The following CDH13 variants were observed in gnomAD, a reference collection of about 807,000 sequenced individuals.
The protein encoded by CDH13 is cadherin 13.
A neutral mutation model predicts 63.8 loss-of-function variants in CDH13; 24 were observed. The ratio of observed to expected loss-of-function variants is 0.38; its 90% CI spans 0.27 to 0.53. The LOEUF (loss-of-function observed/expected upper bound fraction) is 0.53, where lower values mean the gene tolerates loss of function less well. Among genes scored for constraint, CDH13 ranks in the 20% least tolerant of loss-of-function variants. The probability of loss-of-function intolerance (pLI) is 0.85; values close to 1 mark genes in which losing one functional copy is unlikely to be tolerated. For synonymous variants in CDH13, 503 were observed against 355.3 expected, an observed-to-expected ratio of 1.42 and a Z score of -4.67; for missense variants, 1,049 against 903.1, an observed-to-expected ratio of 1.16 and a Z score of -2.07.
At chr16:83,014,474 C>CTG (rs1378359435) in intron 2 of CDH13, among the ~76,000 whole-genome samples, 2 of 151,480 alleles carry the variant, frequency 1.3e-5, no homozygotes, top group Non-Finnish European at 2.9e-5. Flanking sequence ...TGGCTTATGC[C>CTG]TGTAATCTCA....
At chr16:82,858,641 C>T in intron 2 of CDH13, 168 bp downstream of exon 2, 1 of 669,588 alleles carries the variant, frequency 1.5e-6, no homozygotes, top group Admixed American at 2.1e-5. Flanking sequence ...AGGGCCTGGC[C>T]AACTTAGAGG....
intron 5 of CDH13, among the ~76,000 whole-genome samples, chr16:83,304,154 A>G (rs1373977214): frequency 1.3e-5 from 2 of 152,204 alleles, no homozygotes; most frequent in African/African-American, 2.4e-5. Context: ...CTGGAGAGGT[A>G]GGTGAGGGCT....
At chr16:83,132,825 C>A (rs554185738) in intron 4 of CDH13, among the ~76,000 whole-genome samples, 1 of 152,228 alleles carries the variant, frequency 6.6e-6, no homozygotes, top group African/African-American at 2.4e-5. Context: ...ATCTAAGATG[C>A]CTAAAGGCTC....
intron 2 of CDH13, among the ~76,000 whole-genome samples, chr16:82,939,175 G>C (rs2151306137): frequency 6.6e-6 from 1 of 152,308 alleles, no homozygotes; most frequent in East Asian, 1.9e-4. Flanking sequence ...TGCAATCCCA[G>C]ACATTTCAGA....
rs561789392 is a variant in CDH13, at chr16:83,504,431, A to C, written c.960+17776A>C. On this transcript the variant is annotated intron_variant, in intron 7 of 13. Coordinates refer to ENST00000567109, the MANE Select transcript of CDH13 (RefSeq NM_001257.5). Reference sequence around the variant, plus strand: ...CCTATGAAAGAGAGCACAAAGGGTTAATGCCACCAGAAGACACTCAGCCTG... The same window carrying C: ...CCTATGAAAGAGAGCACAAAGGGTTCATGCCACCAGAAGACACTCAGCCTG... Among the ~76,000 whole-genome samples, 6 of 152,346 alleles carry C rather than the reference A, an allele frequency of 3.9e-5. No individual in the cohort carries two copies. The South Asian group carries it at 1.2e-3, about 32-fold the overall frequency.
rs138939290 is a variant in CDH13 at position 82,964,033 on chromosome 16, C to T, written c.158-67977C>T. On this transcript the variant is annotated intron_variant, in intron 2 of 13. Coordinates refer to ENST00000567109, the MANE Select transcript of CDH13 (RefSeq NM_001257.5). The stretch of plus-strand genomic sequence containing the variant: ...GGAGCTGCGGGCTTTTGAGACCTCC[C>T]GAGTCGCTTTGTGTGCACAATGCCG... 3.3e-3 allele frequency among the ~76,000 whole-genome samples: 500 copies of T among 152,242 alleles called. 3 individuals carry two copies. The highest frequency in any genetic ancestry group is 0.031 in the Middle Eastern group (9 of 294).
intron 1 of CDH13, among the ~76,000 whole-genome samples, chr16:82,663,929 C>G (rs1022060565): frequency 3.3e-5 from 5 of 152,220 alleles, no homozygotes; most frequent in African/African-American, 1.2e-4. Flanking sequence ...ATGGCGCATT[C>G]TGCAGCATGA....
At chr16:83,458,873 C>A (rs552093315) in intron 6 of CDH13, among the ~76,000 whole-genome samples, 2 of 152,190 alleles carry the variant, frequency 1.3e-5, no homozygotes, top group African/African-American at 4.8e-5. Flanking sequence ...TGCAGCATTG[C>A]AGCAATGAGA....
At chr16:83,134,841 C>T (rs2036213176) in intron 4 of CDH13, among the ~76,000 whole-genome samples, 1 of 152,136 alleles carries the variant, frequency 6.6e-6, no homozygotes, top group Non-Finnish European at 1.5e-5. Flanking sequence ...ATATGCAAAA[C>T]TTCCCTCCAT....
chr16:83,248,870 A>T (rs368995009), intron 5 of CDH13, among the ~76,000 whole-genome samples: 1 of 152,188 alleles, frequency 6.6e-6, no homozygotes, highest in Non-Finnish European at 1.5e-5. Context: ...CACTTGAATC[A>T]TCCTCAAATG....
At position 83,189,864 on chromosome 16, in the gene CDH13, G is replaced by A. The variant is rs1408091604; in HGVS notation, c.484-27481G>A. Among the ~76,000 whole-genome samples, 12 of 152,134 alleles carry A rather than the reference G, an allele frequency of 7.9e-5. 1 individual carries two copies. The highest frequency in any genetic ancestry group is 3.3e-4 in the Admixed American group (5 of 15,278). ...TGGGAGGTAATTGAATCATGGGGGC[G>A]GCTTTTCTCATACTGTTCTCATGAT... On this transcript the variant is annotated intron_variant, in intron 4 of 13. Coordinates refer to ENST00000567109, the MANE Select transcript of CDH13 (RefSeq NM_001257.5).
chr16:83,448,143 G>A (rs1017068043), intron 6 of CDH13, among the ~76,000 whole-genome samples: 32 of 152,146 alleles, frequency 2.1e-4, no homozygotes, highest in Non-Finnish European at 2.1e-4. Context: ...TTGTGTAGGT[G>A]ATAGTGGAGC....
chr16:83,718,368 A>G (rs764059014), intron 10 of CDH13, among the ~76,000 whole-genome samples: 4 of 152,202 alleles, frequency 2.6e-5, no homozygotes, highest in Admixed American at 2.0e-4. Context: ...ATGAGTCAGA[A>G]AATAGTGAAA....
intron 1 of CDH13, among the ~76,000 whole-genome samples, chr16:82,643,969 C>G (rs761790327): frequency 6.6e-6 from 1 of 151,936 alleles, no homozygotes; most frequent in African/African-American, 2.4e-5. Flanking sequence ...ATGCTGGTCT[C>G]GAACTCCTGG....
chr16:83,259,666 A>T (rs1559434), intron 5 of CDH13, among the ~76,000 whole-genome samples: 135,863 of 152,136 alleles, frequency 0.89, 60,776 homozygotes, highest in East Asian at 1. Flanking sequence ...ATTATTATAC[A>T]GTAAGTTTTA....
chr16:83,286,802 A>G (rs1326534309), intron 5 of CDH13, among the ~76,000 whole-genome samples: 3 of 150,524 alleles, frequency 2.0e-5, no homozygotes, highest in Non-Finnish European at 4.4e-5. Context: ...ATATACACAC[A>G]CACATATAAA....
intron 13 of CDH13, among the ~76,000 whole-genome samples, chr16:83,790,371 A>C (rs1916177323): frequency 6.6e-6 from 1 of 152,166 alleles, no homozygotes; most frequent in South Asian, 2.1e-4. Flanking sequence ...AATGAAAATG[A>C]AATGATTTTT....
At chr16:83,023,613 A>G (rs1425692811) in intron 2 of CDH13, among the ~76,000 whole-genome samples, 1 of 152,208 alleles carries the variant, frequency 6.6e-6, no homozygotes. Flanking sequence ...CTCTATAGAA[A>G]CAAGCATTTT....
chr16:82,873,711 T>G (rs2151192600), intron 2 of CDH13, among the ~76,000 whole-genome samples: 1 of 152,308 alleles, frequency 6.6e-6, no homozygotes, highest in Non-Finnish European at 1.5e-5. Context: ...AGTTGGTTGG[T>G]TTTATCCTTT....
Sources: gnomAD v4.1 joint callset for allele counts (sites outside exome capture counted in the v4.1 genomes callset) on GRCh38, gnomAD v4.1.1 for gene constraint, MANE v1.5 for transcripts, NCBI Gene and HGNC (gene_info 2026-07-23, HGNC 2026-07-21) for gene names.